GHR: variants seen among roughly 807,000 people sequenced by gnomAD.
GHR encodes the protein growth hormone receptor.
GHR carries 35 observed loss-of-function variants against 67.1 expected under a neutral mutation model. The ratio of observed to expected loss-of-function variants is 0.52; its 90% confidence interval spans 0.40 to 0.69. GHR has a LOEUF of 0.69. Among genes scored for constraint, GHR ranks in the 30% least tolerant of loss-of-function variants. The probability of loss-of-function intolerance (pLI) is 0.00; values close to 1 mark genes in which losing one functional copy is unlikely to be tolerated. For missense variants in GHR, 792 were observed against 764.6 expected (o/e 1.04, Z -0.42); for synonymous variants, 272 against 269.1 (o/e 1.01, Z -0.10).
At chr5:42,442,522 T>C (rs1013179629) in intron 1 of GHR, among the ~76,000 whole-genome samples, 18 of 151,998 alleles carry the variant, frequency 1.2e-4, no homozygotes, top group Non-Finnish European at 2.4e-4. Context: ...GGGAGGGACA[T>C]ATAGACAGGA....
At chr5:42,496,898 TG>T (rs1746343664) in intron 1 of GHR, among the ~76,000 whole-genome samples, 1 of 152,192 alleles carries the variant, frequency 6.6e-6, no homozygotes, top group Non-Finnish European at 1.5e-5. Flanking sequence ...GACACTCTGT[TG>T]GGTCACATGC....
intron 1 of GHR, among the ~76,000 whole-genome samples, chr5:42,459,481 A>G (rs1348662589): frequency 1.3e-5 from 2 of 152,166 alleles, no homozygotes; most frequent in Non-Finnish European, 2.9e-5. Context: ...ATGAACACAA[A>G]GAAGAGAGCA....
chr5:42,443,577 T>A (rs1376910359), intron 1 of GHR, among the ~76,000 whole-genome samples: 1 of 152,146 alleles, frequency 6.6e-6, no homozygotes, highest in East Asian at 1.9e-4. Flanking sequence ...GTTTCACCAA[T>A]GTATTAGGGT....
chr5:42,483,088 A>T (rs1209473067), intron 1 of GHR, among the ~76,000 whole-genome samples: 1 of 152,064 alleles, frequency 6.6e-6, no homozygotes, highest in Non-Finnish European at 1.5e-5. Context: ...TTATTTTTTG[A>T]GACAGGGTCT....
intron 2 of GHR, among the ~76,000 whole-genome samples, chr5:42,576,702 T>C (rs1024029949): frequency 2.0e-5 from 3 of 152,234 alleles, no homozygotes; most frequent in African/African-American, 4.8e-5. Context: ...CATAATAGCA[T>C]AAGCCTTTAT....
chr5:42,492,094 G>T (rs765462405), intron 1 of GHR, among the ~76,000 whole-genome samples: 13 of 152,080 alleles, frequency 8.5e-5, no homozygotes, highest in African/African-American at 3.1e-4. Context: ...CTCTGTTTCT[G>T]TAAGCAATTT....
At chr5:42,536,153 A>G (rs1375157535) in intron 1 of GHR, among the ~76,000 whole-genome samples, 3 of 151,954 alleles carry the variant, frequency 2.0e-5, no homozygotes, top group African/African-American at 7.3e-5. Flanking sequence ...GATGCTCTTT[A>G]TTTCTTTCTC....
chr5:42,431,114 T>C (rs184084539), intron 1 of GHR, among the ~76,000 whole-genome samples: 2 of 152,304 alleles, frequency 1.3e-5, no homozygotes, highest in East Asian at 1.9e-4. Flanking sequence ...AATTATCAAA[T>C]TTCTCTCTTC....
chr5:42,503,161 T>G (rs962756619), intron 1 of GHR, among the ~76,000 whole-genome samples: 1 of 152,210 alleles, frequency 6.6e-6, no homozygotes, highest in Non-Finnish European at 1.5e-5. Flanking sequence ...CGCTTCCTTA[T>G]GCTCAACCTT....
chr5:42,576,124 A>G (rs1561135967), intron 2 of GHR, among the ~76,000 whole-genome samples: 50 of 87,708 alleles, frequency 5.7e-4, no homozygotes, highest in African/African-American at 2.6e-3. Flanking sequence ...AAAATAAAAT[A>G]AAATAAAATA....
At chr5:42,660,222 T>G (rs1284822732) in intron 3 of GHR, among the ~76,000 whole-genome samples, 3 of 152,100 alleles carry the variant, frequency 2.0e-5, no homozygotes, top group African/African-American at 7.2e-5. Context: ...TCTGCAGACT[T>G]AAATGTCCCT....
At position 42,424,500 on chromosome 5, in the gene GHR, C is replaced by G; in HGVS notation, c.-12+545C>G. Reference sequence around the variant, plus strand: ...GTGCGCGTGGACACAGCGCGCAGAGCGCGCGGTCTTTTGCGCGTTTGTGCG... The same window carrying G: ...GTGCGCGTGGACACAGCGCGCAGAGGGCGCGGTCTTTTGCGCGTTTGTGCG... On this transcript the variant is annotated intron_variant, in intron 1 of 9. Coordinates refer to ENST00000230882, the MANE Select transcript of GHR (RefSeq NM_000163.5). The surrounding 1 kb of genome is among the most constrained non-coding windows in gnomAD (Gnocchi z 4.1). 1 of 1,141,106 alleles carries G rather than the reference C, an allele frequency of 8.8e-7. No homozygotes were observed. The highest frequency in any genetic ancestry group is 1.3e-6 in the Non-Finnish European group (1 of 788,426). 70.7% of individuals were successfully genotyped at this position (1,141,106 alleles called of 1,614,324 possible). A position where few individuals can be genotyped will look rare whatever the true frequency, so the allele number is the denominator to read the frequency against.
intron 1 of GHR, among the ~76,000 whole-genome samples, chr5:42,523,665 C>T (rs1747572599): frequency 6.6e-6 from 1 of 152,054 alleles, no homozygotes; most frequent in African/African-American, 2.4e-5. Context: ...TGAAACACAA[C>T]AATATTGAAA....
intron 3 of GHR, among the ~76,000 whole-genome samples, chr5:42,676,280 T>C (rs574842645): frequency 6.6e-6 from 1 of 151,272 alleles, no homozygotes; most frequent in African/African-American, 2.4e-5. Flanking sequence ...CGAGACTCCA[T>C]ATAAAAAAAA....
intron 2 of GHR, among the ~76,000 whole-genome samples, chr5:42,577,737 A>T (rs558310131): frequency 2.0e-5 from 3 of 152,338 alleles, no homozygotes; most frequent in East Asian, 3.9e-4. Flanking sequence ...CTTGAAATGC[A>T]TGGAAGTACC....
intron 1 of GHR, among the ~76,000 whole-genome samples, chr5:42,462,820 C>A (rs1281027937): frequency 2.0e-5 from 3 of 151,680 alleles, no homozygotes; most frequent in Non-Finnish European, 4.4e-5. Context: ...GGATATATAG[C>A]TATGCATTAA....
At chr5:42,681,935 C>CAAAAAA (rs11443605) in intron 3 of GHR, among the ~76,000 whole-genome samples, 4 of 79,534 alleles carry the variant, frequency 5.0e-5, no homozygotes, top group South Asian at 5.5e-4. Context: ...GACTCCGTCT[C>CAAAAAA]AAAAAAAAAA....
At chr5:42,615,112 C>A (rs920788042) in intron 2 of GHR, among the ~76,000 whole-genome samples, 1 of 151,744 alleles carries the variant, frequency 6.6e-6, no homozygotes, top group Admixed American at 6.6e-5. Flanking sequence ...TTCCTTGCAC[C>A]CTGGTGATAT....
At chr5:42,513,326 A>G (rs1293577813) in intron 1 of GHR, among the ~76,000 whole-genome samples, 2 of 152,128 alleles carry the variant, frequency 1.3e-5, no homozygotes, top group East Asian at 3.9e-4. Context: ...TGAGAACCCA[A>G]ATGACATTGT....
Sources: allele counts gnomAD v4.1 joint callset (sites outside exome capture counted in the v4.1 genomes callset), GRCh38; gene constraint gnomAD v4.1.1; non-coding constraint Gnocchi (gnomAD v3.1); transcripts MANE v1.5; gene names NCBI Gene and HGNC (gene_info 2026-07-23, HGNC 2026-07-21).